FAM91A1: variants seen among roughly 807,000 people sequenced by gnomAD.
The protein encoded by FAM91A1 is family with sequence similarity 91 member A1.
FAM91A1 carries 41 observed loss-of-function variants against 113.5 expected under a neutral mutation model. The ratio of observed to expected loss-of-function variants is 0.36; its 90% CI spans 0.28 to 0.47. The LOEUF (loss-of-function observed/expected upper bound fraction) is 0.47. FAM91A1 is among the 20% of genes least tolerant of loss of function. FAM91A1 has a pLI of 1.00. For synonymous variants in FAM91A1, 307 were observed against 347.9 expected, an observed-to-expected ratio of 0.88 and a Z score of 1.31; for missense variants, 696 against 1,001.2, an observed-to-expected ratio of 0.70 and a Z score of 4.11.
intron 15 of FAM91A1, among the ~76,000 whole-genome samples, chr8:123,792,712 A>G (rs1007417092): frequency 1.3e-5 from 2 of 152,112 alleles, no homozygotes; most frequent in Non-Finnish European, 2.9e-5. Context: ...TATACTTGAC[A>G]TTGATAATGT....
chr8:123,793,131 A>G (rs145230474), intron 15 of FAM91A1, among the ~76,000 whole-genome samples: 19 of 152,194 alleles, frequency 1.2e-4, no homozygotes, highest in African/African-American at 3.1e-4. Context: ...CTGTCATCCT[A>G]CTTCCTCACA....
intron 15 of FAM91A1, among the ~76,000 whole-genome samples, chr8:123,791,588 G>T (rs1241997129): frequency 6.6e-6 from 1 of 152,130 alleles, no homozygotes; most frequent in African/African-American, 2.4e-5. Flanking sequence ...TAAATTTGAT[G>T]AATGCCTCCC....
chr8:123,811,889 C>G (rs1252823350), intron 23 of FAM91A1, among the ~76,000 whole-genome samples: 1 of 151,936 alleles, frequency 6.6e-6, no homozygotes, highest in Non-Finnish European at 1.5e-5. Flanking sequence ...GTTTTTTCCC[C>G]GAGATGGAGT....
intron 20 of FAM91A1, among the ~76,000 whole-genome samples, chr8:123,807,648 G>A (rs1324301068): frequency 6.6e-6 from 1 of 152,124 alleles, no homozygotes; most frequent in African/African-American, 2.4e-5. Context: ...AGAAGGTGAA[G>A]TTTGAGTTTT....
rs377176071 is a variant in FAM91A1, at chr8:123,787,418, A to G, written c.1191+45A>G. On this transcript the variant is annotated intron_variant, in intron 13 of 23. Coordinates refer to ENST00000334705, the MANE Select transcript of FAM91A1 (RefSeq NM_144963.4). ...AAATATGAAGGTGTTTAAAATAAAT[A>G]CTAGATATAAAATAATTTAATGCTT... The G allele has an allele frequency of 2.1e-4, 289 of 1,365,962 alleles. 3 individuals carry two copies. Among genetic ancestry groups the G allele is most frequent in the Admixed American group, 1.4e-4 (8 of 56,682 alleles). 84.6% of individuals were successfully genotyped at this position (1,365,962 alleles called of 1,614,324 possible).
At chr8:123,772,280 A>G (rs922928535) in intron 1 of FAM91A1, among the ~76,000 whole-genome samples, 6 of 152,242 alleles carry the variant, frequency 3.9e-5, no homozygotes, top group Non-Finnish European at 8.8e-5. Flanking sequence ...ACAGAAGAGC[A>G]AAACCTCAAG....
chr8:123,783,870 T>C (rs1331113565), intron 8 of FAM91A1, among the ~76,000 whole-genome samples: 1 of 152,178 alleles, frequency 6.6e-6, no homozygotes, highest in Non-Finnish European at 1.5e-5. Context: ...ATCTTGACCC[T>C]GTTGCCACTG....
intron 15 of FAM91A1, 39 bp from the exon 16 acceptor site, chr8:123,798,050 TC>T: frequency 6.5e-7 from 1 of 1,548,298 alleles, no homozygotes; most frequent in East Asian, 2.4e-5. Flanking sequence ...TTTCACACTC[TC>T]AGTCTTTTAT....
chr8:123,800,018 T>G lies in FAM91A1; in HGVS notation c.1809+133T>G, dbSNP rs191902846. The G allele has an allele frequency of 3.8e-6, 3 of 783,304 alleles. No homozygotes were observed. In the East Asian group the frequency reaches 8.5e-5, roughly 22 times the overall value. The allele number at this position is 783,304 out of a possible 1,614,324, so 48.5% of individuals were successfully genotyped here. A position where few individuals can be genotyped will look rare whatever the true frequency, so the allele number is the denominator to read the frequency against. ...GTTGAAATGTAAAAAATCAGAGATATGGATTTTAGTCCTGGCCGTTTGGCA... is the reference window on the plus strand; with the variant it reads ...GTTGAAATGTAAAAAATCAGAGATAGGGATTTTAGTCCTGGCCGTTTGGCA... On this transcript the variant is annotated intron_variant, in intron 18 of 23. Transcript: ENST00000334705.
chr8:123,787,216 A>T (rs940356459), intron 12 of FAM91A1, 45 bp from the exon 13 acceptor site: 22 of 1,396,704 alleles, frequency 1.6e-5, no homozygotes, highest in Non-Finnish European at 2.2e-5. Flanking sequence ...TGGTAAGCAA[A>T]GAATAATTTC....
Position 123,808,999 on chromosome 8 carries a change from C to G in FAM91A1, c.2244C>G (p.Gly748=), listed in dbSNP as rs1815882530. The change falls in exon 22 of 24, where the codon GGC becomes GGG. Residue 748 remains glycine (G), a synonymous_variant. Transcript: ENST00000334705. ...RKVCRKIAAH[G]LCRKESLQNL... ...TTTGTAGGAAAATTGCTGCACATGG[C>G]CTTTGCAGAAAAGAGAGGTGAGGGT... is the stretch of plus-strand genomic sequence containing the variant. 6.2e-7 allele frequency: 1 copy of G among 1,612,328 alleles called. No individual in the cohort carries two copies. Among genetic ancestry groups the G allele is most frequent in the African/African-American group, 1.3e-5 (1 of 74,838 alleles).
chr8:123,778,129 A>C, intron 5 of FAM91A1, 37 bp downstream of exon 5: 24 of 1,499,982 alleles, frequency 1.6e-5, no homozygotes, highest in Non-Finnish European at 1.9e-5. Context: ...TTTTGGCCTC[A>C]TCACACAGTT....
intron 15 of FAM91A1, among the ~76,000 whole-genome samples, chr8:123,790,611 T>C (rs1264314272): frequency 1.3e-5 from 2 of 152,230 alleles, no homozygotes; most frequent in Non-Finnish European, 2.9e-5. Flanking sequence ...ATCATCTCCA[T>C]TTTCATTTAT....
At chr8:123,797,940 C>T in intron 15 of FAM91A1, 150 bp from the exon 16 acceptor site, 1 of 834,672 alleles carries the variant, frequency 1.2e-6, no homozygotes. Flanking sequence ...TCTTGGTGGT[C>T]TCCTAGGAAA....
chr8:123,778,690 T>C lies in FAM91A1; in HGVS notation c.467T>C (p.Leu156Pro). The change falls in exon 6 of 24, where the codon CTT (leucine) becomes CCT (proline). Residue 156 changes from leucine (L) to proline (P), a missense_variant. Physicochemically the swap from Leu to Pro is moderately conservative, Grantham distance 98. Coordinates refer to ENST00000334705, the MANE Select transcript of FAM91A1 (RefSeq NM_144963.4). ...TTCAGAAGGAAAACAGCCCGTGATC[T>C]TCTACCAATAAAGCCAGTGGAAATT... is the stretch of plus-strand genomic sequence containing the variant. Reference protein sequence around the residue: ...KFFRRKTARDLLPIKPVEIAI... With the variant: ...KFFRRKTARDPLPIKPVEIAI... 6.2e-7 allele frequency: 1 copy of C among 1,610,508 alleles called. No homozygotes were observed. Among genetic ancestry groups the C allele is most frequent in the Non-Finnish European group, 8.5e-7 (1 of 1,178,994 alleles).
chr8:123,807,032 C>T (rs1322650618), intron 20 of FAM91A1, among the ~76,000 whole-genome samples: 1 of 151,898 alleles, frequency 6.6e-6, no homozygotes, highest in Non-Finnish European at 1.5e-5. Context: ...TCCATTGACT[C>T]TGGGAGATCT....
At chr8:123,788,860 T>C (rs1379935594) in intron 14 of FAM91A1, among the ~76,000 whole-genome samples, 1 of 152,212 alleles carries the variant, frequency 6.6e-6, no homozygotes, top group African/African-American at 2.4e-5. Flanking sequence ...AGGCTTAGTT[T>C]TTAAAGTGGA....
At chr8:123,807,131 G>T (rs1191201373) in intron 20 of FAM91A1, among the ~76,000 whole-genome samples, 14 of 152,062 alleles carry the variant, frequency 9.2e-5, no homozygotes, top group Admixed American at 7.2e-4. Context: ...CCATCCAGTA[G>T]ATTGGGTTGG....
intron 13 of FAM91A1, 114 bp downstream of exon 13, chr8:123,787,487 T>C: frequency 9.7e-7 from 1 of 1,028,978 alleles, no homozygotes; most frequent in Non-Finnish European, 1.4e-6. Flanking sequence ...GAAGCACAAC[T>C]GACTTAGAGG....
Sources: allele counts gnomAD v4.1 joint callset (sites outside exome capture counted in the v4.1 genomes callset), GRCh38; gene constraint gnomAD v4.1.1; transcripts MANE v1.5; gene names NCBI Gene and HGNC (gene_info 2026-07-23, HGNC 2026-07-21).